Variants in SUGCT observed in about 807,000 individuals in gnomAD.
SUGCT encodes the protein succinyl-CoA:glutarate-CoA transferase.
In SUGCT, 41 loss-of-function variants were observed where a neutral mutation model predicts 55.0. The ratio of observed to expected loss-of-function variants is 0.74; its 90% CI spans 0.58 to 0.97. The LOEUF is 0.97. SUGCT is among the 50% of genes least tolerant of loss of function. The pLI is 0.00. For missense variants in SUGCT, 568 were observed against 547.8 expected (o/e 1.04, Z -0.37); for synonymous variants, 187 against 200.4 (o/e 0.93, Z 0.56).
At chr7:40,143,291 C>T (rs1384559481) in intron 1 of SUGCT, among the ~76,000 whole-genome samples, 1 of 152,186 alleles carries the variant, frequency 6.6e-6, no homozygotes, top group East Asian at 1.9e-4. Flanking sequence ...TCACTGCATC[C>T]TGTTAAGTCT....
chr7:41,038,810 G>C, the SUGCT span, among the ~76,000 whole-genome samples: 1 of 152,158 alleles, frequency 6.6e-6, no homozygotes, highest in Non-Finnish European at 1.5e-5. Context: ...GCTGAAGATA[G>C]TGATATTGAC....
chr7:40,860,425 G>A lies in SUGCT; in HGVS notation c.1263G>A (p.Arg421=). The change falls in exon 14 of 14, where the codon AGG becomes AGA. Residue 421 remains arginine, a synonymous_variant. Coordinates refer to ENST00000335693, the MANE Select transcript of SUGCT (RefSeq NM_001193313.2). ...ILKEVLRYDD[R]AIGELLSAGV... is the part of the protein sequence containing the mutation. ...AGGAGGTCCTGAGATACGATGACAG[G>A]GCCATCGGGGAGCTGCTCAGCGCTG... 6.2e-7 allele frequency: 1 copy of A among 1,613,948 alleles called. No individual in the cohort carries two copies. The highest frequency in any genetic ancestry group is 8.5e-7 in the Non-Finnish European group (1 of 1,179,840).
At chr7:40,311,268 G>A (rs1433576459) in intron 8 of SUGCT, among the ~76,000 whole-genome samples, 3 of 152,122 alleles carry the variant, frequency 2.0e-5, no homozygotes, top group Non-Finnish European at 4.4e-5. Context: ...TACCAACCTT[G>A]TCTGAGCTAT....
chr7:40,137,819 C>G (rs1787776816), intron 1 of SUGCT, among the ~76,000 whole-genome samples: 1 of 151,830 alleles, frequency 6.6e-6, no homozygotes, highest in South Asian at 2.1e-4. Context: ...GTAGCTGAAA[C>G]CAGAAGTGTG....
At chr7:40,805,645 T>C (rs1791052552) in intron 13 of SUGCT, among the ~76,000 whole-genome samples, 1 of 152,282 alleles carries the variant, frequency 6.6e-6, no homozygotes, top group South Asian at 2.1e-4. Flanking sequence ...TGTTTGGGGC[T>C]CTCCACTTCA....
chr7:40,372,442 A>AT (rs1196330638), intron 9 of SUGCT, among the ~76,000 whole-genome samples: 4 of 152,070 alleles, frequency 2.6e-5, no homozygotes, highest in African/African-American at 9.7e-5. Flanking sequence ...CCTTAATTTG[A>AT]TTTTTAAAAA....
chr7:40,859,564 G>A (rs1040667556), intron 13 of SUGCT, among the ~76,000 whole-genome samples: 2 of 152,204 alleles, frequency 1.3e-5, no homozygotes, highest in Admixed American at 1.3e-4. Context: ...GGCAGCTTTT[G>A]TAATCATAGT....
At chr7:41,012,042 A>G in the SUGCT span, among the ~76,000 whole-genome samples, 1 of 152,062 alleles carries the variant, frequency 6.6e-6, no homozygotes, top group African/African-American at 2.4e-5. Flanking sequence ...CTAAACCAAT[A>G]ACTGTGGAAG....
chr7:40,345,065 A>G (rs1242988486), intron 9 of SUGCT, among the ~76,000 whole-genome samples: 1 of 152,218 alleles, frequency 6.6e-6, no homozygotes, highest in East Asian at 1.9e-4. Context: ...GAATATTACC[A>G]TATACAAATA....
At chr7:40,481,169 G>C (rs6957763) in intron 11 of SUGCT, among the ~76,000 whole-genome samples, 45,714 of 151,764 alleles carry the variant, frequency 0.3, 9,386 homozygotes, top group African/African-American at 0.58. Context: ...AAAACTCTGT[G>C]TTTACAAAAA....
chr7:40,549,816 A>T (rs1292035293), intron 12 of SUGCT, among the ~76,000 whole-genome samples: 2 of 152,166 alleles, frequency 1.3e-5, no homozygotes, highest in Admixed American at 6.5e-5. Context: ...GAAGAAAAAG[A>T]TGAGGGGAGT....
intron 13 of SUGCT, among the ~76,000 whole-genome samples, chr7:40,784,090 C>T (rs748548010): frequency 4.6e-5 from 7 of 152,022 alleles, no homozygotes; most frequent in Admixed American, 1.3e-4. Context: ...TCTTTCTATC[C>T]CTGAGTATGA....
At chr7:40,916,682 A>C in the SUGCT span, among the ~76,000 whole-genome samples, 2 of 152,228 alleles carry the variant, frequency 1.3e-5, no homozygotes, top group African/African-American at 2.4e-5. Context: ...TTACTTAAAA[A>C]ACAACTTTAT....
At chr7:40,981,331 CTT>C in the SUGCT span, among the ~76,000 whole-genome samples, 14 of 152,148 alleles carry the variant, frequency 9.2e-5, no homozygotes, top group Non-Finnish European at 1.8e-4. Flanking sequence ...GTCTGACAGA[CTT>C]GGTGCATTTT....
the SUGCT span, among the ~76,000 whole-genome samples, chr7:40,896,897 T>C: frequency 1.3e-5 from 2 of 152,088 alleles, no homozygotes; most frequent in Non-Finnish European, 2.9e-5. Flanking sequence ...CCTCAAATAG[T>C]CAAAGCAATC....
chr7:40,690,326 C>T (rs1187949869), intron 12 of SUGCT, among the ~76,000 whole-genome samples: 6 of 152,028 alleles, frequency 3.9e-5, no homozygotes, highest in Admixed American at 6.5e-5. Context: ...ATTTATAAAA[C>T]GTTTTAGAAC....
At chr7:40,976,979 C>T in the SUGCT span, among the ~76,000 whole-genome samples, 53 of 152,234 alleles carry the variant, frequency 3.5e-4, no homozygotes, top group Admixed American at 9.8e-4. Context: ...TCTGAATGAC[C>T]AATTCTGGTT....
chr7:40,189,040 C>T (rs1281752653), intron 4 of SUGCT, among the ~76,000 whole-genome samples: 18 of 152,086 alleles, frequency 1.2e-4, no homozygotes, highest in Non-Finnish European at 1.5e-5. Context: ...GCTTTCTTGT[C>T]AGCAATAAGA....
intron 12 of SUGCT, among the ~76,000 whole-genome samples, chr7:40,542,823 C>G (rs755842442): frequency 6.6e-6 from 1 of 152,058 alleles, no homozygotes; most frequent in Admixed American, 6.6e-5. Context: ...GACACTGATT[C>G]GATATAGTTA....
Sources: gnomAD v4.1 joint callset for allele counts (sites outside exome capture counted in the v4.1 genomes callset) on GRCh38, gnomAD v4.1.1 for gene constraint, MANE v1.5 for transcripts, NCBI Gene and HGNC (gene_info 2026-07-23, HGNC 2026-07-21) for gene names.